Variants in OR2C3 observed in about 807,000 individuals in gnomAD.
The protein encoded by OR2C3 is olfactory receptor 2C3.
For synonymous variants in OR2C3, 178 were observed against 163.4 expected (o/e 1.09, Z -0.68); for missense variants, 425 against 401.5 (o/e 1.06, Z -0.50).
At position 247,532,433 on chromosome 1, in the gene OR2C3, C is replaced by G; in HGVS notation, c.79G>C (p.Val27Leu). ...GFSTRPSLET[V>L]LFIVVLSFYM... ...AAACTCAAGACAACTATGAAGAGGA[C>G]AGTTTCTAGTGAGGGTCGTGTGGAG... is the stretch of plus-strand genomic sequence containing the variant. Residue 27 changes from valine to leucine, a missense_variant, in exon 3 of 3, where the codon GTC (valine) becomes CTC (leucine). Physicochemically the swap from Val to Leu is conservative, Grantham distance 32. Transcript: ENST00000641802. 6.2e-7 allele frequency: 1 copy of G among 1,614,052 alleles called. No individual in the cohort carries two copies. Among genetic ancestry groups the G allele is most frequent in the African/African-American group, 1.3e-5 (1 of 75,006 alleles).
chr1:247,527,852 G>A lies in OR2C3; in HGVS notation c.*3697C>T, dbSNP rs1243554350. ...TAGAACTTACTCCTCCAATGGAGCT[G>A]TAATTTTGTATCCTTTAACAAATCT... On this transcript the variant is annotated 3_prime_UTR_variant, in exon 3 of 3. Coordinates refer to ENST00000641802, the MANE Select transcript of OR2C3 (RefSeq NM_198074.6). This position sits in a 1 kb window ranked among gnomAD's most constrained non-coding sequence, Gnocchi z 4.6. 4 of 152,132 alleles carry A rather than the reference G, an allele frequency of 2.6e-5. No individual in the cohort carries two copies. The highest frequency in any genetic ancestry group is 9.7e-5 in the African/African-American group (4 of 41,428). The allele number at this position is 152,132 out of a possible 1,614,324, so 9.4% of individuals were successfully genotyped here. A position where few individuals can be genotyped will look rare whatever the true frequency, so the allele number is the denominator to read the frequency against.
chr1:247,529,110 A>T lies in OR2C3; in HGVS notation c.*2439T>A, dbSNP rs927169723. ...CTATTTCCAGGCGTCTGGCTGGACT[A>T]GTAGCATAGTGATTACTCTGGACTC... On this transcript the variant is annotated 3_prime_UTR_variant, in exon 3 of 3. Transcript: ENST00000641802. The T allele has an allele frequency of 5.3e-5, 8 of 152,234 alleles. No individual in the cohort carries two copies. Among genetic ancestry groups the T allele is most frequent in the African/African-American group, 1.9e-4 (8 of 41,456 alleles). The allele number at this position is 152,234 out of a possible 1,614,324, so 9.4% of individuals were successfully genotyped here. A position where few individuals can be genotyped will look rare whatever the true frequency, so the allele number is the denominator to read the frequency against.
chr1:247,532,569 C>T, intron 2 of OR2C3, 29 bp from the exon 3 acceptor site: 4 of 1,506,222 alleles, frequency 2.7e-6, no homozygotes, highest in Non-Finnish European at 1.8e-6. Flanking sequence ...GCATACAGGG[C>T]ATGAGACATG....
chr1:247,531,641 A>G lies in OR2C3; in HGVS notation c.871T>C (p.Tyr291His). 1 of 1,614,160 alleles carries G rather than the reference A, an allele frequency of 6.2e-7. No individual in the cohort carries two copies. Residue 291 changes from tyrosine to histidine, a missense_variant, in exon 3 of 3, where the codon TAC becomes CAC. By Grantham distance (83) the Tyr-to-His change is moderately conservative. Coordinates refer to ENST00000641802, the MANE Select transcript of OR2C3 (RefSeq NM_198074.6). ...TTCACCTCCGTGTTCCTCAGGGTGT[A>G]AATAAGTGGGTTCAGCGCAGGAGTG... Reference protein sequence around the residue: ...VVTPALNPLIYTLRNTEVKSA... With the variant: ...VVTPALNPLIHTLRNTEVKSA...
intron 2 of OR2C3, among the ~76,000 whole-genome samples, chr1:247,532,837 C>T (rs1462575835): frequency 6.7e-6 from 1 of 148,322 alleles, no homozygotes; most frequent in Admixed American, 6.8e-5. Flanking sequence ...CATTACCTTC[C>T]TCACGGCCAA....
Position 247,532,297 on chromosome 1 carries a change from A to G in OR2C3, c.215T>C (p.Met72Thr). The G allele has an allele frequency of 3.7e-6, 6 of 1,614,210 alleles. No individual in the cohort carries two copies. The highest frequency in any genetic ancestry group is 5.1e-6 in the Non-Finnish European group (6 of 1,180,036). Residue 72 changes from methionine to threonine, a missense_variant, in exon 3 of 3, where the codon ATG (methionine) becomes ACG (threonine). Physicochemically the swap from Met to Thr is moderately conservative, Grantham distance 81 (BLOSUM62 -1). Coordinates refer to ENST00000641802, the MANE Select transcript of OR2C3 (RefSeq NM_198074.6). ...TGGGACAATGCTCGTGGTGAAGCTC[A>G]TGTCCAGGAAGGGGAGGTTGGCAAG... The part of the protein sequence containing the change: ...FFLANLPFLD[M>T]SFTTSIVPQL...
rs1187533326 is a variant in OR2C3 at position 247,525,967 on chromosome 1, TA to T, written c.*5581del. 3 of 152,248 alleles carry T rather than the reference TA, an allele frequency of 2.0e-5. No individual in the cohort carries two copies. Among genetic ancestry groups the T allele is most frequent in the African/African-American group, 7.2e-5 (3 of 41,462 alleles). The allele number at this position is 152,248 out of a possible 1,614,324, so 9.4% of individuals were successfully genotyped here. A position where few individuals can be genotyped will look rare whatever the true frequency, so the allele number is the denominator to read the frequency against. On this transcript the variant is annotated 3_prime_UTR_variant, in exon 3 of 3. Transcript: ENST00000641802. ...GACCAAATATATGCTTCAGAGTATATACATGTGAATACCATTTGATTTTTTA... is the reference window on the plus strand; with the variant it reads ...GACCAAATATATGCTTCAGAGTATATCATGTGAATACCATTTGATTTTTTA...
chr1:247,531,347 A>AAGAG lies in OR2C3; in HGVS notation c.*201_*202insCTCT. ...TATATATAGCAAAAACCAACAACGC[A>AAGAG]ATTGAACAAAACTATGATAATTAGC... On this transcript the variant is annotated 3_prime_UTR_variant, in exon 3 of 3. Transcript: ENST00000641802. 5.0e-6 allele frequency: 3 copies of AAGAG among 602,608 alleles called. No homozygotes were observed. The highest frequency in any genetic ancestry group is 8.9e-4 in the Middle Eastern group (2 of 2,258). 37.3% of individuals were successfully genotyped at this position (602,608 alleles called of 1,614,324 possible). A position where few individuals can be genotyped will look rare whatever the true frequency, so the allele number is the denominator to read the frequency against.
Position 247,529,715 on chromosome 1 carries a change from G to A in OR2C3, c.*1834C>T, listed in dbSNP as rs1216351318. The A allele has an allele frequency of 3.7e-5, 4 of 108,808 alleles. No homozygotes were observed. Among genetic ancestry groups the A allele is most frequent in the African/African-American group, 1.3e-4 (4 of 29,824 alleles). The allele number at this position is 108,808 out of a possible 1,614,324, so 6.7% of individuals were successfully genotyped here. A position where few individuals can be genotyped will look rare whatever the true frequency, so the allele number is the denominator to read the frequency against. ...ACACAAGCCTCGGTGTTACTGTGAA[G>A]GTGTTTTTTTTTTTTTTTTTTTTTT... On this transcript the variant is annotated 3_prime_UTR_variant, in exon 3 of 3. Transcript: ENST00000641802.
At chr1:247,535,615 C>T (rs1276589405) in intron 1 of OR2C3, among the ~76,000 whole-genome samples, 1 of 152,100 alleles carries the variant, frequency 6.6e-6, no homozygotes, top group East Asian at 1.9e-4. Flanking sequence ...GTAAATGATG[C>T]TGAGAGGAAC....
chr1:247,532,814 G>A (rs1018802180), intron 2 of OR2C3, among the ~76,000 whole-genome samples: 5 of 151,860 alleles, frequency 3.3e-5, no homozygotes, highest in African/African-American at 4.8e-5. Context: ...CAACAGCTAC[G>A]TGGATGGCAT....
Position 247,531,761 on chromosome 1 carries a change from G to C in OR2C3, c.751C>G (p.Leu251Val). ...ATGAAGATGATGCTCCCGTAAAACA[G>C]AGACACCACAGCCACGTGGGAAGAA... is the stretch of plus-strand genomic sequence containing the variant. ...TCSSHVAVVS[L>V]FYGSIIFMYL... The change falls in exon 3 of 3, where the codon CTG (leucine) becomes GTG (valine). Residue 251 changes from leucine to valine, a missense_variant. Physicochemically the swap from Leu to Val is conservative, Grantham distance 32 (BLOSUM62 1). Coordinates refer to ENST00000641802, the MANE Select transcript of OR2C3 (RefSeq NM_198074.6). 5 of 1,614,198 alleles carry C rather than the reference G, an allele frequency of 3.1e-6. No homozygotes were observed. Among genetic ancestry groups the C allele is most frequent in the Non-Finnish European group, 4.2e-6 (5 of 1,180,030 alleles).
chr1:247,532,521 G>A lies in OR2C3; in HGVS notation c.-10C>T, dbSNP rs1667028088. 9 of 1,609,354 alleles carry A rather than the reference G, an allele frequency of 5.6e-6. No individual in the cohort carries two copies. Among genetic ancestry groups the A allele is most frequent in the Non-Finnish European group, 6.8e-6 (8 of 1,177,236 alleles). The stretch of plus-strand genomic sequence containing the variant: ...TGGCTATTTCCATCATTGTATGCTG[G>A]GGGTGGGGCAAAAGGCCACCTGTGG... On this transcript the variant is annotated 5_prime_UTR_variant, in exon 3 of 3. Coordinates refer to ENST00000641802, the MANE Select transcript of OR2C3 (RefSeq NM_198074.6).
Position 247,532,346 on chromosome 1 carries a change from G to T in OR2C3, c.166C>A (p.Leu56Ile). 3 of 1,613,974 alleles carry T rather than the reference G, an allele frequency of 1.9e-6. 1 individual carries two copies. The highest frequency in any genetic ancestry group is 2.2e-5 in the South Asian group (2 of 91,084). The change falls in exon 3 of 3, where the codon CTC becomes ATC. Residue 56 changes from leucine (L) to isoleucine (I), a missense_variant. By Grantham distance (5) the Leu-to-Ile change is conservative (BLOSUM62 2). Coordinates refer to ENST00000641802, the MANE Select transcript of OR2C3 (RefSeq NM_198074.6). The stretch of plus-strand genomic sequence containing the variant: ...AGAAAGAAGTACATAGGTGTGTGGA[G>T]GTGCACATCTGTATGGGAGACCAGA... ...IILVSHTDVH[L>I]HTPMYFFLAN...
Position 247,524,790 on chromosome 1 carries a change from T to C in OR2C3, c.*6759A>G, listed in dbSNP as rs1666610545. The stretch of plus-strand genomic sequence containing the variant: ...ATAAAACGTCCCACTAGAAAAACGA[T>C]TCAACACTTATATGATGACAAAGAT... On this transcript the variant is annotated 3_prime_UTR_variant, in exon 3 of 3. Coordinates refer to ENST00000641802, the MANE Select transcript of OR2C3 (RefSeq NM_198074.6). The C allele has an allele frequency of 6.6e-6, 1 of 152,108 alleles. No homozygotes were observed. Among genetic ancestry groups the C allele is most frequent in the African/African-American group, 2.4e-5 (1 of 41,420 alleles). The allele number at this position is 152,108 out of a possible 1,614,324, so 9.4% of individuals were successfully genotyped here. A position where few individuals can be genotyped will look rare whatever the true frequency, so the allele number is the denominator to read the frequency against.
At chr1:247,533,310 C>G (rs1207467333) in intron 2 of OR2C3, among the ~76,000 whole-genome samples, 197 bp downstream of exon 2, 1 of 152,174 alleles carries the variant, frequency 6.6e-6, no homozygotes, top group African/African-American at 2.4e-5. Flanking sequence ...GTTTCTCTTT[C>G]TCCTGCCTTC....
In OR2C3 at chr1:247,526,909, T is replaced by C. The variant is rs1159067101; in HGVS notation, c.*4640A>G. The C allele has an allele frequency of 2.2e-6, 1 of 454,358 alleles. No individual in the cohort carries two copies. The highest frequency in any genetic ancestry group is 7.0e-5 in the East Asian group (1 of 14,364). The allele number at this position is 454,358 out of a possible 1,614,324, so 28.1% of individuals were successfully genotyped here. ...CCAAGTAAGATGGGACTTCCCTCTA[T>C]TTAGAAAGGTCTTCTTTCACTTTCT... On this transcript the variant is annotated 3_prime_UTR_variant, in exon 3 of 3. Transcript: ENST00000641802. The surrounding 1 kb of genome is among the most constrained non-coding windows in gnomAD (Gnocchi z 4.8).
In OR2C3 at chr1:247,532,027, G is replaced by C. The variant is rs562326145; in HGVS notation, c.485C>G (p.Thr162Arg). The C allele has an allele frequency of 5.7e-5, 92 of 1,614,092 alleles. 1 individual carries two copies. The South Asian group carries it at 9.2e-4, about 16-fold the overall frequency. Residue 162 changes from threonine (T) to arginine (R), a missense_variant, in exon 3 of 3, where the codon ACG becomes AGG. By Grantham distance (71) the Thr-to-Arg change is moderately conservative. Coordinates refer to ENST00000641802, the MANE Select transcript of OR2C3 (RefSeq NM_198074.6). ...GGLTTSMVGS[T>R]LTMLLPLCGN... is the part of the protein sequence containing the mutation. ...ACACAGCGGTAGGAGCATGGTGAGC[G>C]TGGAGCCCACCATGCTGGTGGTCAG... is the stretch of plus-strand genomic sequence containing the variant.
intron 1 of OR2C3, among the ~76,000 whole-genome samples, chr1:247,534,655 A>C (rs767304045): frequency 2.7e-4 from 41 of 152,210 alleles, no homozygotes; most frequent in Admixed American, 2.4e-3. Flanking sequence ...TCAATTTATT[A>C]TAGTTAAGAT....
Sources: gnomAD v4.1 joint callset for allele counts (sites outside exome capture counted in the v4.1 genomes callset) on GRCh38, gnomAD v4.1.1 for gene constraint, Gnocchi (gnomAD v3.1) non-coding constraint, MANE v1.5 for transcripts, NCBI Gene and HGNC (gene_info 2026-07-23, HGNC 2026-07-21) for gene names.